The following VIT variants were observed in gnomAD, a reference collection of about 807,000 sequenced individuals.
The protein encoded by VIT is vitrin.
A neutral mutation model predicts 78.0 loss-of-function variants in VIT; 99 were observed. The ratio of observed to expected loss-of-function variants is 1.27; its 90% CI spans 1.08 to 1.50. The LOEUF is 1.50. Ranked by LOEUF, VIT falls within the 40% of genes most tolerant of loss-of-function variation. The pLI is 0.00. For missense variants in VIT, 1,126 were observed against 875.3 expected (o/e 1.29, Z -3.61); for synonymous variants, 374 against 334.3 (o/e 1.12, Z -1.29).
At chr2:36,761,540 A>G (rs926618178) in intron 6 of VIT, among the ~76,000 whole-genome samples, 2 of 152,010 alleles carry the variant, frequency 1.3e-5, no homozygotes, top group African/African-American at 4.8e-5. Context: ...GGAGATGGAG[A>G]CCATCCTGGC....
chr2:36,746,228 T>C, intron 4 of VIT, among the ~76,000 whole-genome samples: 1 of 152,214 alleles, frequency 6.6e-6, no homozygotes, highest in East Asian at 1.9e-4. Context: ...TTGAGGATTT[T>C]TGCATCTATG....
At chr2:36,697,494 C>A (rs936794786) in intron 1 of VIT, among the ~76,000 whole-genome samples, 1 of 152,148 alleles carries the variant, frequency 6.6e-6, no homozygotes, top group African/African-American at 2.4e-5. Flanking sequence ...GCTAGATGTG[C>A]GATTCTGTGT....
At chr2:36,812,525 T>C (rs969590895) in intron 15 of VIT, among the ~76,000 whole-genome samples, 6 of 152,008 alleles carry the variant, frequency 3.9e-5, no homozygotes, top group Admixed American at 3.9e-4. Flanking sequence ...ATTGGATGCC[T>C]TATCTCTGAA....
intron 2 of VIT, among the ~76,000 whole-genome samples, chr2:36,723,000 T>TTATATTAAATATTAAA (rs1666609582): frequency 4.0e-5 from 6 of 150,814 alleles, no homozygotes; most frequent in Admixed American, 2.0e-4. Flanking sequence ...AATATATATT[T>TTATATTAAATATTAAA]TATATTAAAT....
chr2:36,754,948 A>G lies in VIT; in HGVS notation c.303A>G (p.Lys101=). The G allele has an allele frequency of 6.2e-7, 1 of 1,614,096 alleles. No homozygotes were observed. Among genetic ancestry groups the G allele is most frequent in the South Asian group, 1.1e-5 (1 of 91,070 alleles). Residue 101 remains lysine, a synonymous_variant, in exon 5 of 16, where the codon AAA becomes AAG. Transcript: ENST00000379242. ...GTGTGCTTGATAATTCAGGAGGGAAAATACTTGTTCGGAAGGTTGCTGGAC... is the reference window on the plus strand; with the variant it reads ...GTGTGCTTGATAATTCAGGAGGGAAGATACTTGTTCGGAAGGTTGCTGGAC... ...HSGVLDNSGG[K]ILVRKVAGQS... is the part of the protein sequence containing the mutation.
rs143473563 is a variant in VIT at position 36,765,285 on chromosome 2, T to C, written c.488-1809T>C. Among the ~76,000 whole-genome samples the C allele has an allele frequency of 1.4e-3, 213 of 152,228 alleles. 1 individual carries two copies. Among genetic ancestry groups the C allele is most frequent in the African/African-American group, 5.0e-3 (206 of 41,532 alleles). ...CGTTCTCACACTGCTATAAAGACAC[T>C]ACCCAAGACTGGGTAATTTACAAAC... is the stretch of plus-strand genomic sequence containing the variant. On this transcript the variant is annotated intron_variant, in intron 6 of 15. Transcript: ENST00000379242.
intron 14 of VIT, among the ~76,000 whole-genome samples, chr2:36,808,043 G>A (rs1175888424): frequency 6.6e-6 from 1 of 152,172 alleles, no homozygotes; most frequent in African/African-American, 2.4e-5. Context: ...TTTCCATAGC[G>A]ATTTCTTGTG....
At chr2:36,751,202 C>T (rs1429140496) in intron 4 of VIT, among the ~76,000 whole-genome samples, 1 of 152,188 alleles carries the variant, frequency 6.6e-6, no homozygotes, top group Non-Finnish European at 1.5e-5. Flanking sequence ...TCAAGACCAG[C>T]CTGGCCAACC....
chr2:36,717,917 G>T (rs1260964329), intron 2 of VIT, among the ~76,000 whole-genome samples: 1 of 152,206 alleles, frequency 6.6e-6, no homozygotes. Flanking sequence ...TGCAAGGGAG[G>T]AATCTGTTCC....
chr2:36,772,738 C>G (rs756121030), intron 7 of VIT, among the ~76,000 whole-genome samples: 1 of 152,254 alleles, frequency 6.6e-6, no homozygotes, highest in East Asian at 1.9e-4. Flanking sequence ...AACAAAGAAA[C>G]CTACTTTGAA....
chr2:36,756,548 G>C (rs553613371), intron 5 of VIT, among the ~76,000 whole-genome samples: 1 of 152,184 alleles, frequency 6.6e-6, no homozygotes, highest in African/African-American at 2.4e-5. Flanking sequence ...GATTAGAGTC[G>C]TTAGCAGGAC....
At chr2:36,725,189 C>T (rs72783152) in intron 2 of VIT, among the ~76,000 whole-genome samples, 16,429 of 152,208 alleles carry the variant, frequency 0.11, 933 homozygotes, top group Middle Eastern at 0.15. Context: ...ATTACTCAGG[C>T]CTCAGCTAGT....
intron 15 of VIT, among the ~76,000 whole-genome samples, chr2:36,811,917 C>A (rs1443461102): frequency 6.6e-6 from 1 of 152,106 alleles, no homozygotes; most frequent in Non-Finnish European, 1.5e-5. Flanking sequence ...CTCAGGTGAT[C>A]CACCCACCTC....
chr2:36,751,962 A>G (rs937575695), intron 4 of VIT, among the ~76,000 whole-genome samples: 1 of 152,206 alleles, frequency 6.6e-6, no homozygotes, highest in Non-Finnish European at 1.5e-5. Context: ...GATGTAGAGA[A>G]CATGAGCAGA....
At chr2:36,760,409 C>G (rs7592460) in intron 6 of VIT, among the ~76,000 whole-genome samples, 145,970 of 152,294 alleles carry the variant, frequency 0.96, 70,280 homozygotes, top group East Asian at 1. Context: ...TACTGCTCCA[C>G]CTCTATCTTT....
intron 4 of VIT, 23 bp downstream of exon 4, chr2:36,743,279 ATAAC>A (rs757067557): frequency 3.8e-6 from 6 of 1,564,524 alleles, no homozygotes; most frequent in Admixed American, 1.7e-5. Flanking sequence ...GAGCTACTTA[ATAAC>A]TAACTAGAAA....
Position 36,738,039 on chromosome 2 carries a change from C to T in VIT, c.119-5061C>T, listed in dbSNP as rs183274413. ...GGGAAAACAGTACAATGGAAAATTA[C>T]GCTAGAAGAGTTACTTTGCAGGTAT... is the stretch of plus-strand genomic sequence containing the variant. On this transcript the variant is annotated intron_variant, in intron 3 of 15. Transcript: ENST00000379242. 8.5e-5 allele frequency among the ~76,000 whole-genome samples: 13 copies of T among 152,300 alleles called. No individual in the cohort carries two copies. In the East Asian group the frequency reaches 1.9e-3, roughly 23 times the overall value.
chr2:36,747,002 T>C (rs1668176125), intron 4 of VIT, among the ~76,000 whole-genome samples: 1 of 152,154 alleles, frequency 6.6e-6, no homozygotes, highest in South Asian at 2.1e-4. Context: ...ATGTTGTGTC[T>C]CTATTTTCAT....
At chr2:36,768,303 G>C (rs982190330) in intron 7 of VIT, among the ~76,000 whole-genome samples, 1 of 152,046 alleles carries the variant, frequency 6.6e-6, no homozygotes, top group Admixed American at 6.6e-5. Context: ...GTGGTGGCAC[G>C]TGCCTATAGT....
Sources: allele counts gnomAD v4.1 joint callset (sites outside exome capture counted in the v4.1 genomes callset), GRCh38; gene constraint gnomAD v4.1.1; transcripts MANE v1.5; gene names NCBI Gene and HGNC (gene_info 2026-07-23, HGNC 2026-07-21).